CACNA1D: variants seen among roughly 807,000 people sequenced by gnomAD.
CACNA1D encodes voltage-dependent L-type calcium channel subunit alpha-1D.
Under a neutral mutation model 257.1 loss-of-function variants are expected in CACNA1D, and 55 were observed. The observed-to-expected ratio is 0.21, with a 90% confidence interval of 0.17 to 0.27. CACNA1D has a LOEUF of 0.27. Among genes scored for constraint, CACNA1D ranks in the 10% least tolerant of loss-of-function variants. The pLI is 1.00. For synonymous variants in CACNA1D, 980 were observed against 1,014.9 expected (o/e 0.97, Z 0.65); for missense variants, 1,876 against 2,784.0 (o/e 0.67, Z 7.34).
intron 8 of CACNA1D, among the ~76,000 whole-genome samples, chr3:53,686,383 A>C (rs1395711346): frequency 2.0e-5 from 3 of 152,108 alleles, no homozygotes; most frequent in African/African-American, 7.2e-5. Flanking sequence ...TCAATACCAA[A>C]ACTTTACAAA....
At chr3:53,513,246 C>T (rs544955318) in intron 3 of CACNA1D, among the ~76,000 whole-genome samples, 3 of 152,162 alleles carry the variant, frequency 2.0e-5, no homozygotes, top group East Asian at 1.9e-4. Flanking sequence ...AGATCAAAGT[C>T]GGTGGTCCCA....
intron 11 of CACNA1D, 63 bp from the exon 12 acceptor site, chr3:53,722,251 T>A: frequency 6.3e-7 from 1 of 1,584,528 alleles, no homozygotes; most frequent in South Asian, 1.1e-5. Context: ...CTCTCAATCA[T>A]ATTTATTGGA....
At chr3:53,583,101 A>T (rs2093158884) in intron 3 of CACNA1D, among the ~76,000 whole-genome samples, 1 of 152,210 alleles carries the variant, frequency 6.6e-6, no homozygotes, top group Non-Finnish European at 1.5e-5. Context: ...TGCACCCCTG[A>T]TGGGCAAGAT....
chr3:53,663,834 A>G (rs116133026), intron 5 of CACNA1D, among the ~76,000 whole-genome samples: 1,944 of 151,846 alleles, frequency 0.013, 36 homozygotes, highest in African/African-American at 0.044. Flanking sequence ...TGTCACCCAG[A>G]CTGGAGTTGC....
chr3:53,748,566 C>T (rs561930181), intron 26 of CACNA1D, among the ~76,000 whole-genome samples: 4 of 152,280 alleles, frequency 2.6e-5, no homozygotes, highest in East Asian at 3.9e-4. Flanking sequence ...ACCTGGGACT[C>T]GGGGCTTGGA....
intron 8 of CACNA1D, among the ~76,000 whole-genome samples, chr3:53,689,537 A>G (rs1278333497): frequency 6.6e-6 from 1 of 151,986 alleles, no homozygotes; most frequent in Non-Finnish European, 1.5e-5. Context: ...GATGGAAGTG[A>G]AGGTATAGAT....
At chr3:53,506,104 A>G (rs973439327) in intron 3 of CACNA1D, among the ~76,000 whole-genome samples, 1 of 152,192 alleles carries the variant, frequency 6.6e-6, no homozygotes, top group African/African-American at 2.4e-5. Context: ...GGTGGAGGTT[A>G]GGTCTGTATA....
intron 3 of CACNA1D, among the ~76,000 whole-genome samples, chr3:53,624,276 A>G (rs940277068): frequency 6.6e-6 from 1 of 152,214 alleles, no homozygotes; most frequent in Non-Finnish European, 1.5e-5. Flanking sequence ...TCAGAGCAAC[A>G]TTGTTTTCAT....
intron 8 of CACNA1D, among the ~76,000 whole-genome samples, chr3:53,693,461 A>T (rs200338218): frequency 4.9e-5 from 7 of 142,504 alleles, no homozygotes; most frequent in South Asian, 4.5e-4. Flanking sequence ...CATTGCTGTT[A>T]TTTTTTTTTT....
chr3:53,757,093 G>A (rs1224307966), intron 29 of CACNA1D, among the ~76,000 whole-genome samples: 1 of 152,184 alleles, frequency 6.6e-6, no homozygotes, highest in Non-Finnish European at 1.5e-5. Context: ...ATGCAGAATG[G>A]GCACTGAGTC....
At chr3:53,660,023 G>T in intron 4 of CACNA1D, 110 bp from the exon 5 acceptor site, 25 of 851,972 alleles carry the variant, frequency 2.9e-5, no homozygotes, top group East Asian at 6.1e-5. Flanking sequence ...TTTTATTTAA[G>T]CAGCAGCCAC....
intron 5 of CACNA1D, among the ~76,000 whole-genome samples, chr3:53,665,177 C>T (rs2094249231): frequency 6.6e-6 from 1 of 152,128 alleles, no homozygotes; most frequent in Admixed American, 6.5e-5. Context: ...CTCCCAACAC[C>T]TATTAATTTT....
At chr3:53,519,409 C>T (rs747697774) in intron 3 of CACNA1D, among the ~76,000 whole-genome samples, 22 of 152,162 alleles carry the variant, frequency 1.4e-4, no homozygotes, top group Non-Finnish European at 2.8e-4. Context: ...GAGCTTCATC[C>T]TTGCTGTGTG....
chr3:53,608,027 C>T (rs1489534803), intron 3 of CACNA1D, among the ~76,000 whole-genome samples: 6 of 152,064 alleles, frequency 3.9e-5, no homozygotes, highest in Non-Finnish European at 5.9e-5. Flanking sequence ...TTGTCAATTT[C>T]TATAAAAATA....
intron 20 of CACNA1D, 99 bp downstream of exon 20, chr3:53,735,602 G>A: frequency 7.6e-7 from 1 of 1,320,988 alleles, no homozygotes; most frequent in Non-Finnish European, 1.1e-6. Context: ...CAAGGTGACA[G>A]CTAGAGTAGG....
chr3:53,587,676 G>A lies in CACNA1D; in HGVS notation c.484-63103G>A, dbSNP rs145322394. On this transcript the variant is annotated intron_variant, in intron 3 of 47. Transcript: ENST00000350061. ...GACCACCAAATTCTGTGATTCTTTC[G>A]TCTTTCCCGTACTTCTTGAGGGGAT... is the stretch of plus-strand genomic sequence containing the variant. 4.5e-4 allele frequency among the ~76,000 whole-genome samples: 69 copies of A among 152,206 alleles called. 1 individual carries two copies. In the East Asian group the frequency reaches 0.01, roughly 22 times the overall value.
chr3:53,673,571 A>T lies in CACNA1D; in HGVS notation c.1220+445A>T, dbSNP rs1255359483. 1 of 674,248 alleles carries T rather than the reference A, an allele frequency of 1.5e-6. No individual in the cohort carries two copies. The highest frequency in any genetic ancestry group is 2.7e-6 in the Non-Finnish European group (1 of 376,720). 41.8% of individuals were successfully genotyped at this position (674,248 alleles called of 1,614,324 possible). ...CTTGTCCTTATTTGCAGAAAAAAAA[A>T]AAAAAAGGGAAGGACCTAGGCCCAG... is the stretch of plus-strand genomic sequence containing the variant. On this transcript the variant is annotated intron_variant, in intron 8 of 47. Transcript: ENST00000350061. The surrounding 1 kb of genome is among the most constrained non-coding windows in gnomAD (Gnocchi z 4.1).
chr3:53,572,357 G>GGTTTGTTT (rs58548804), intron 3 of CACNA1D, among the ~76,000 whole-genome samples: 2 of 144,860 alleles, frequency 1.4e-5, no homozygotes, highest in African/African-American at 5.2e-5. Flanking sequence ...CTCTGCCTCT[G>GGTTTGTTT]GTTTGTTTGT....
At chr3:53,555,442 GTGTGTGT>G (rs2092621777) in intron 3 of CACNA1D, among the ~76,000 whole-genome samples, 2 of 104,302 alleles carry the variant, frequency 1.9e-5, no homozygotes, top group South Asian at 2.9e-4. Context: ...TGGTGGGTGT[GTGTGTGT>G]GTGTGTGTGT....
Sources: allele counts gnomAD v4.1 joint callset (sites outside exome capture counted in the v4.1 genomes callset), GRCh38; gene constraint gnomAD v4.1.1; non-coding constraint Gnocchi (gnomAD v3.1); transcripts MANE v1.5; gene names NCBI Gene and HGNC (gene_info 2026-07-23, HGNC 2026-07-21).